RSPH10B: variants seen among roughly 807,000 people sequenced by gnomAD.
RSPH10B encodes radial spoke head 10 homolog B.
Under a neutral mutation model 52.5 loss-of-function variants are expected in RSPH10B, and 7 were observed. The observed-to-expected ratio is 0.13, with a 90% CI of 0.08 to 0.25. RSPH10B has a LOEUF of 0.25. Among genes scored for constraint, RSPH10B ranks in the 10% least tolerant of loss-of-function variants. The pLI is 1.00. For missense variants in RSPH10B, 89 were observed against 542.5 expected, an observed-to-expected ratio of 0.16 and a Z score of 8.30; for synonymous variants, 28 against 193.2, an observed-to-expected ratio of 0.14 and a Z score of 7.09.
intron 13 of RSPH10B, among the ~76,000 whole-genome samples, chr7:5,941,454 C>G (rs1039762878): frequency 1.4e-5 from 2 of 146,650 alleles, no homozygotes; most frequent in Admixed American, 6.9e-5. Context: ...TTAAAAGTAC[C>G]ATGGAACAGG....
At chr7:5,961,400 C>T (rs1476372479) in intron 3 of RSPH10B, among the ~76,000 whole-genome samples, 32 of 141,158 alleles carry the variant, frequency 2.3e-4, no homozygotes, top group Middle Eastern at 7.2e-3. Context: ...AGTGCAATGG[C>T]GCCATCTCGG....
intron 18 of RSPH10B, among the ~76,000 whole-genome samples, chr7:5,927,762 C>A (rs576275796): frequency 6.8e-6 from 1 of 146,746 alleles, no homozygotes; most frequent in East Asian, 2.2e-4. Context: ...CTGGTGAAAC[C>A]TCGTCTCTAC....
rs1562553395 is a variant in RSPH10B, at chr7:5,927,076, G to GTGTGTGTATATATATA, written c.2433-529_2433-528insTATATATATACACACA. Reference sequence around the variant, plus strand: ...TGTGTGTGTGTGTGTGTATATGTGTGTGTGTGTGTGTGTGTGTGTGTATTT... The same window carrying GTGTGTGTATATATATA: ...TGTGTGTGTGTGTGTGTATATGTGTGTGTGTGTATATATATATGTGTGTGTGTGTGTGTGTGTATTT... On this transcript the variant is annotated intron_variant, in intron 18 of 18. Transcript: ENST00000337579. Among the ~76,000 whole-genome samples the GTGTGTGTATATATATA allele has an allele frequency of 5.3e-5, 7 of 131,660 alleles. No individual in the cohort carries two copies. In the East Asian group the frequency reaches 6.7e-4, roughly 13 times the overall value. The allele number at this position is 131,660 out of a possible 152,430, so 86.4% of individuals were successfully genotyped here.
intron 18 of RSPH10B, among the ~76,000 whole-genome samples, chr7:5,926,994 A>T (rs1779464305): frequency 1.3e-5 from 2 of 150,098 alleles, no homozygotes; most frequent in Admixed American, 1.3e-4. Context: ...ACCTCAGGTG[A>T]TCCACCCACC....
intron 5 of RSPH10B, 91 bp downstream of exon 7, chr7:5,958,902 G>C: frequency 7.1e-7 from 1 of 1,409,338 alleles, no homozygotes; most frequent in Admixed American, 1.8e-5. Flanking sequence ...TGCAACTTTT[G>C]CATCTTACTT....
intron 17 of RSPH10B, among the ~76,000 whole-genome samples, chr7:5,931,698 TA>T (rs5882077): frequency 0.71 from 100,294 of 140,580 alleles, 31,428 homozygotes; most frequent in Admixed American, 0.74. Context: ...ACCCACCTCT[TA>T]AAAAAAAAAA....
intron 7 of RSPH10B, among the ~76,000 whole-genome samples, chr7:5,955,358 T>C (rs1277096462): frequency 1.4e-5 from 1 of 73,482 alleles, no homozygotes; most frequent in Non-Finnish European, 2.8e-5. Context: ...ATGGTTAAGA[T>C]GGGAAATCTC....
In RSPH10B at chr7:5,931,421, A is replaced by G. The variant is rs1201731047; in HGVS notation, c.2233+1361T>C. Among the ~76,000 whole-genome samples, 45 of 151,552 alleles carry G rather than the reference A, an allele frequency of 3.0e-4. 1 individual carries two copies. The highest frequency in any genetic ancestry group is 9.9e-4 in the African/African-American group (41 of 41,264). On this transcript the variant is annotated intron_variant, in intron 17 of 18. Transcript: ENST00000337579. ...ATTGAGTGGGCGGCCGGCCATAGAG[A>G]GACACCGTCAGAAAAGGGGGAGGGC...
intron 13 of RSPH10B, 92 bp downstream of exon 15, chr7:5,943,232 A>T: frequency 1.3e-6 from 2 of 1,564,098 alleles, no homozygotes; most frequent in Non-Finnish European, 8.7e-7. Flanking sequence ...TCACCTGATT[A>T]TTTGCATATC....
In RSPH10B at chr7:5,931,489, A is replaced by G. The variant is rs183081359; in HGVS notation, c.2233+1293T>C. Among the ~76,000 whole-genome samples the G allele has an allele frequency of 4.6e-3, 693 of 151,312 alleles. 2 individuals are homozygous for G. Among genetic ancestry groups the G allele is most frequent in the African/African-American group, 0.016 (642 of 41,158 alleles). On this transcript the variant is annotated intron_variant, in intron 17 of 18. Transcript: ENST00000337579. ...ACCTGTAATCCCAGTGCTTTGGGAC[A>G]CCAAGGCGGGAAGATCACTTGGGCC... is the stretch of plus-strand genomic sequence containing the variant.
At chr7:5,929,233 G>A (rs1278625518) in intron 17 of RSPH10B, among the ~76,000 whole-genome samples, 1 of 144,582 alleles carries the variant, frequency 6.9e-6, no homozygotes, top group Non-Finnish European at 1.5e-5. Flanking sequence ...AGGCTGGAGT[G>A]CAGTGGTACC....
chr7:5,928,177 G>T lies in RSPH10B; in HGVS notation c.2432+19C>A, dbSNP rs1271652948. On this transcript the variant is annotated intron_variant, in intron 18 of 18. Transcript: ENST00000337579. ...AGAGAGAGCAGCTGGGGAAGGAGAGGAGGGACCTCGTAAGTTACCTTGCTT... is the reference window on the plus strand; with the variant it reads ...AGAGAGAGCAGCTGGGGAAGGAGAGTAGGGACCTCGTAAGTTACCTTGCTT... The T allele has an allele frequency of 6.2e-7, 1 of 1,608,364 alleles. No individual in the cohort carries two copies. Among genetic ancestry groups the T allele is most frequent in the Non-Finnish European group, 8.5e-7 (1 of 1,175,286 alleles).
chr7:5,954,172 G>A (rs1337164143), intron 7 of RSPH10B, among the ~76,000 whole-genome samples: 1 of 112,108 alleles, frequency 8.9e-6, no homozygotes, highest in African/African-American at 3.3e-5. Context: ...GTGGAGCCTC[G>A]CTGTCACTCA....
intron 13 of RSPH10B, among the ~76,000 whole-genome samples, chr7:5,940,375 C>T (rs1319429448): frequency 2.2e-3 from 22 of 9,812 alleles, no homozygotes; most frequent in African/African-American, 7.1e-3. Flanking sequence ...TGGTGGCACG[C>T]ACCTATAATC....
intron 16 of RSPH10B, 140 bp from the exon 19 acceptor site, chr7:5,933,015 CTTT>C: frequency 0.011 from 294 of 27,140 alleles, no homozygotes; most frequent in Admixed American, 0.02. Context: ...TTTAATTTGA[CTTT>C]TTTTTTTTTT....
chr7:5,958,344 GA>G (rs58697360), intron 5 of RSPH10B, among the ~76,000 whole-genome samples: 23,376 of 140,788 alleles, frequency 0.17, 561 homozygotes, highest in African/African-American at 0.27. Flanking sequence ...CATCTCAAAA[GA>G]AAAAAAAAAA....
At chr7:5,927,826 C>G (rs1426628425) in intron 18 of RSPH10B, among the ~76,000 whole-genome samples, 1 of 146,066 alleles carries the variant, frequency 6.8e-6, no homozygotes, top group Non-Finnish European at 1.5e-5. Flanking sequence ...ATCCCAGCTG[C>G]TCGGGAGGCT....
chr7:5,957,006 T>C (rs1391850614), intron 6 of RSPH10B, among the ~76,000 whole-genome samples: 1 of 27,550 alleles, frequency 3.6e-5, no homozygotes, highest in East Asian at 1.6e-3. Context: ...AGACCTCGTT[T>C]CTAAAAAAAA....
At chr7:5,939,821 G>A (rs1471082901) in intron 13 of RSPH10B, among the ~76,000 whole-genome samples, 49 of 64,158 alleles carry the variant, frequency 7.6e-4, no homozygotes, top group African/African-American at 2.6e-3. Context: ...CGATGTGACC[G>A]CAGAATAATT....
Sources: allele counts gnomAD v4.1 joint callset (sites outside exome capture counted in the v4.1 genomes callset), GRCh38; gene constraint gnomAD v4.1.1; transcripts MANE v1.5; gene names NCBI Gene and HGNC (gene_info 2026-07-23, HGNC 2026-07-21).